ITPR2: variants seen among roughly 807,000 people sequenced by gnomAD.
ITPR2 encodes the protein inositol 1,4,5-trisphosphate-gated calcium channel ITPR2.
A neutral mutation model predicts 317.1 loss-of-function variants in ITPR2; 207 were observed. The observed-to-expected ratio is 0.65, with a 90% CI of 0.58 to 0.73. The LOEUF (loss-of-function observed/expected upper bound fraction) is 0.73, where lower values mean the gene tolerates loss of function less well. Ranked by LOEUF, ITPR2 falls within the 30% of genes least tolerant of loss-of-function variation. The pLI, the probability that ITPR2 is intolerant of heterozygous loss-of-function variation, is 0.00. For missense variants in ITPR2, 2,613 were observed against 3,284.0 expected (o/e 0.80, Z 4.99); for synonymous variants, 1,156 against 1,149.1 (o/e 1.01, Z -0.12).
intron 5 of ITPR2, among the ~76,000 whole-genome samples, chr12:26,717,386 G>A (rs1948759187): frequency 6.6e-6 from 1 of 152,188 alleles, no homozygotes; most frequent in East Asian, 1.9e-4. Context: ...TGGTACTGTT[G>A]TCACAAACTA....
At chr12:26,832,215 C>T (rs1042948007) in intron 1 of ITPR2, among the ~76,000 whole-genome samples, 12 of 152,182 alleles carry the variant, frequency 7.9e-5, no homozygotes, top group Non-Finnish European at 1.3e-4. Context: ...CACTTTGGCT[C>T]ACCACATCGC....
chr12:26,590,013 T>A (rs1351396867), intron 32 of ITPR2, among the ~76,000 whole-genome samples: 1 of 151,430 alleles, frequency 6.6e-6, no homozygotes, highest in Non-Finnish European at 1.5e-5. Flanking sequence ...CTCAAAAGTA[T>A]GTTGAAACTA....
chr12:26,412,683 A>C (rs1940586920), intron 51 of ITPR2, among the ~76,000 whole-genome samples: 1 of 152,138 alleles, frequency 6.6e-6, no homozygotes, highest in Admixed American at 6.5e-5. Context: ...GGGGAAAAAA[A>C]CCCAGAAAGC....
chr12:26,706,787 A>C (rs1948560817), intron 9 of ITPR2, among the ~76,000 whole-genome samples: 1 of 152,092 alleles, frequency 6.6e-6, no homozygotes, highest in Non-Finnish European at 1.5e-5. Context: ...CCTATTACAA[A>C]CTGGATAAAA....
At chr12:26,711,631 G>A (rs1032041318) in intron 8 of ITPR2, among the ~76,000 whole-genome samples, 3 of 152,210 alleles carry the variant, frequency 2.0e-5, no homozygotes, top group Non-Finnish European at 4.4e-5. Flanking sequence ...ACCTTCAAGA[G>A]AAGAGAAACA....
At chr12:26,356,047 AT>A (rs1210816692) in intron 55 of ITPR2, among the ~76,000 whole-genome samples, 3 of 152,214 alleles carry the variant, frequency 2.0e-5, no homozygotes, top group African/African-American at 4.8e-5. Context: ...ACAGACCAAT[AT>A]GTTATTCTGG....
intron 1 of ITPR2, among the ~76,000 whole-genome samples, chr12:26,824,221 C>G (rs1950980457): frequency 1.3e-5 from 2 of 152,114 alleles, no homozygotes; most frequent in Non-Finnish European, 2.9e-5. Flanking sequence ...TTATTGAATA[C>G]TATACTGAAA....
intron 9 of ITPR2, among the ~76,000 whole-genome samples, chr12:26,709,490 C>T (rs137967457): frequency 2.0e-5 from 3 of 152,142 alleles, no homozygotes; most frequent in Non-Finnish European, 4.4e-5. Flanking sequence ...TTAATTAATT[C>T]GTGTATATAT....
intron 37 of ITPR2, among the ~76,000 whole-genome samples, chr12:26,535,466 T>C (rs1313844543): frequency 2.0e-5 from 3 of 152,190 alleles, no homozygotes; most frequent in Non-Finnish European, 4.4e-5. Flanking sequence ...TGATTAGAAA[T>C]TAAGATGCAT....
intron 54 of ITPR2, among the ~76,000 whole-genome samples, chr12:26,396,511 C>G (rs972190210): frequency 1.3e-5 from 2 of 152,192 alleles, no homozygotes; most frequent in Non-Finnish European, 2.9e-5. Context: ...TCTCCTCACA[C>G]CATTCTGACT....
At chr12:26,434,911 TCACCAAAGGAGACCAAA>T (rs1391360325) in intron 48 of ITPR2, among the ~76,000 whole-genome samples, 1 of 152,210 alleles carries the variant, frequency 6.6e-6, no homozygotes. Flanking sequence ...TAAGAGTTTA[TCACCAAAGGAGACCAAA>T]CACAATGAAG....
intron 52 of ITPR2, among the ~76,000 whole-genome samples, chr12:26,401,828 G>A (rs142656642): frequency 0.016 from 2,427 of 152,290 alleles, 59 homozygotes; most frequent in African/African-American, 0.053. Context: ...AAGGGATCCT[G>A]ATATTTTTAC....
intron 45 of ITPR2, among the ~76,000 whole-genome samples, chr12:26,450,505 T>A (rs1004370989): frequency 1.3e-5 from 2 of 152,174 alleles, no homozygotes; most frequent in African/African-American, 4.8e-5. Context: ...ATGCCAGAAT[T>A]ACTACCCTGT....
At chr12:26,490,507 G>A (rs1356233502) in intron 39 of ITPR2, among the ~76,000 whole-genome samples, 1 of 152,204 alleles carries the variant, frequency 6.6e-6, no homozygotes, top group African/African-American at 2.4e-5. Context: ...CACACATGAA[G>A]AGGCAAAATA....
intron 34 of ITPR2, among the ~76,000 whole-genome samples, chr12:26,574,849 G>A (rs56035747): frequency 0.13 from 20,470 of 151,712 alleles, 1,921 homozygotes; most frequent in Non-Finnish European, 0.2. Flanking sequence ...CAGATCTCAC[G>A]GGAACTCACC....
intron 2 of ITPR2, among the ~76,000 whole-genome samples, chr12:26,784,392 T>C (rs1324338935): frequency 1.8e-5 from 2 of 112,038 alleles, no homozygotes; most frequent in Non-Finnish European, 3.7e-5. Context: ...GGTCTCCCTC[T>C]GATGCCGAGC....
chr12:26,774,139 T>C (rs1183790039), intron 2 of ITPR2, among the ~76,000 whole-genome samples: 2 of 152,132 alleles, frequency 1.3e-5, no homozygotes, highest in East Asian at 1.9e-4. Context: ...TCTTCTGTTA[T>C]TTAAACTAAA....
intron 55 of ITPR2, among the ~76,000 whole-genome samples, chr12:26,342,200 A>G (rs929110689): frequency 2.0e-5 from 3 of 152,260 alleles, no homozygotes; most frequent in African/African-American, 7.2e-5. Context: ...GGAGCTGGGA[A>G]GATCAATAGA....
chr12:26,665,566 C>T (rs1246647853), intron 14 of ITPR2, among the ~76,000 whole-genome samples: 2 of 152,144 alleles, frequency 1.3e-5, no homozygotes, highest in Admixed American at 6.5e-5. Context: ...CTCTTGGATC[C>T]CTCAGTTCTA....
Sources: allele counts gnomAD v4.1 joint callset (sites outside exome capture counted in the v4.1 genomes callset), GRCh38; gene constraint gnomAD v4.1.1; transcripts MANE v1.5; gene names NCBI Gene and HGNC (gene_info 2026-07-23, HGNC 2026-07-21).